The following EVI5 variants were observed in gnomAD, a reference collection of about 807,000 sequenced individuals.
The protein encoded by EVI5 is ecotropic viral integration site 5.
In EVI5, 73 loss-of-function variants were observed where a neutral mutation model predicts 112.0. The observed-to-expected ratio is 0.65, with a 90% CI of 0.54 to 0.79. The LOEUF (loss-of-function observed/expected upper bound fraction) is 0.79, where lower values mean the gene tolerates loss of function less well. EVI5 is among the 30% of genes least tolerant of loss of function. EVI5 has a pLI of 0.00. For missense variants in EVI5, 900 were observed against 968.8 expected, an observed-to-expected ratio of 0.93 and a Z score of 0.94; for synonymous variants, 305 against 319.9, an observed-to-expected ratio of 0.95 and a Z score of 0.50.
At chr1:92,721,297 A>C (rs1674713984) in intron 2 of EVI5, among the ~76,000 whole-genome samples, 1 of 152,210 alleles carries the variant, frequency 6.6e-6, no homozygotes, top group East Asian at 1.9e-4. Context: ...TCAATGATAG[A>C]CTGGATTAAG....
intron 19 of EVI5, among the ~76,000 whole-genome samples, chr1:92,527,972 A>G (rs1662208511): frequency 6.6e-6 from 1 of 152,166 alleles, no homozygotes; most frequent in Non-Finnish European, 1.5e-5. Context: ...TCATTTCTCT[A>G]GAGTGTAACT....
At chr1:92,780,086 G>C (rs1452982272) in intron 1 of EVI5, among the ~76,000 whole-genome samples, 3 of 152,114 alleles carry the variant, frequency 2.0e-5, no homozygotes, top group Admixed American at 2.0e-4. Context: ...GAATCAAAGG[G>C]GCAATTTCCC....
At chr1:92,707,768 G>T (rs544862617) in intron 2 of EVI5, among the ~76,000 whole-genome samples, 1 of 152,246 alleles carries the variant, frequency 6.6e-6, no homozygotes, top group East Asian at 1.9e-4. Flanking sequence ...TGGTCCAGCA[G>T]TAAAATGAAA....
intron 2 of EVI5, among the ~76,000 whole-genome samples, chr1:92,712,538 T>C (rs578210175): frequency 1.8e-3 from 277 of 152,244 alleles, no homozygotes; most frequent in African/African-American, 6.4e-3. Context: ...ACAGAAAAGG[T>C]AATATAATAA....
rs1311854813 is a variant in EVI5, at chr1:92,607,607, G to A, written c.1948C>T (p.Arg650Cys). The A allele has an allele frequency of 2.5e-6, 4 of 1,591,906 alleles. No individual in the cohort carries two copies. The highest frequency in any genetic ancestry group is 2.3e-5 in the South Asian group (2 of 85,714). ...GLLTQLSEAK[R>C]KQAEIECKNK... is the part of the protein sequence containing the mutation. The stretch of plus-strand genomic sequence containing the variant: ...TTGCATTCAATCTCTGCTTGTTTAC[G>A]CTTTGCTTCACTTAATTGAGTAAGG... The change falls in exon 17 of 20, where the codon CGT becomes TGT. Residue 650 changes from arginine to cysteine, a missense_variant. Arg to Cys is a radical substitution (Grantham distance 180, BLOSUM62 -3). Transcript: ENST00000684568.
At chr1:92,637,930 A>C (rs1659213880) in intron 13 of EVI5, among the ~76,000 whole-genome samples, 1 of 152,240 alleles carries the variant, frequency 6.6e-6, no homozygotes, top group Non-Finnish European at 1.5e-5. Flanking sequence ...CAATACGAGA[A>C]GTGCATCTGC....
At chr1:92,617,859 GACC>G (rs1653580696) in intron 16 of EVI5, among the ~76,000 whole-genome samples, 1 of 152,190 alleles carries the variant, frequency 6.6e-6, no homozygotes, top group South Asian at 2.1e-4. Context: ...CTTCTGCCAA[GACC>G]ACCATCTGTG....
intron 2 of EVI5, among the ~76,000 whole-genome samples, chr1:92,708,077 C>T (rs1404185389): frequency 6.6e-6 from 1 of 152,096 alleles, no homozygotes; most frequent in African/African-American, 2.4e-5. Flanking sequence ...AATAAATCTT[C>T]ATGACTTTGA....
intron 17 of EVI5, among the ~76,000 whole-genome samples, chr1:92,606,503 A>G (rs905456334): frequency 3.9e-5 from 6 of 152,254 alleles, no homozygotes; most frequent in African/African-American, 1.2e-4. Flanking sequence ...TTTTATTTAT[A>G]GTTTAGTCAT....
At chr1:92,784,437 G>A in intron 1 of EVI5, 10 of 985,348 alleles carry the variant, frequency 1.0e-5, no homozygotes, top group Non-Finnish European at 1.2e-5. Flanking sequence ...CAAGTCAGGG[G>A]GGCGAGTGCT....
intron 2 of EVI5, among the ~76,000 whole-genome samples, chr1:92,735,269 T>G (rs1324633296): frequency 6.6e-6 from 1 of 152,194 alleles, no homozygotes; most frequent in African/African-American, 2.4e-5. Context: ...CTTTCAAAAT[T>G]ATGCTGAGTG....
chr1:92,621,364 A>G (rs1353349130), intron 16 of EVI5, among the ~76,000 whole-genome samples: 1 of 152,202 alleles, frequency 6.6e-6, no homozygotes, highest in African/African-American at 2.4e-5. Flanking sequence ...GCTGGAGTGC[A>G]GTGGCGTGAT....
At chr1:92,672,587 C>T (rs1421585769) in intron 10 of EVI5, among the ~76,000 whole-genome samples, 3 of 152,128 alleles carry the variant, frequency 2.0e-5, no homozygotes, top group African/African-American at 7.2e-5. Context: ...TCCAAAATAC[C>T]GTACATTTGA....
At chr1:92,532,064 T>C (rs1283717241) in intron 19 of EVI5, among the ~76,000 whole-genome samples, 3 of 151,750 alleles carry the variant, frequency 2.0e-5, no homozygotes, top group South Asian at 2.1e-4. Context: ...AAGACACACA[T>C]AGGCTCAAAA....
Position 92,565,948 on chromosome 1 carries a change from C to CAAAAAACAAA in EVI5, c.2071-2212_2071-2211insTTTGTTTTTT, listed in dbSNP as rs1669384221. 1.9e-4 allele frequency among the ~76,000 whole-genome samples: 10 copies of CAAAAAACAAA among 51,858 alleles called. 2 individuals carry two copies. Among genetic ancestry groups the CAAAAAACAAA allele is most frequent in the Non-Finnish European group, 6.1e-5 (2 of 33,056 alleles). 34.0% of individuals were successfully genotyped at this position (51,858 alleles called of 152,430 possible). ...TTGCGCCACTGCATTCCAGCCCGAG[C>CAAAAAACAAA]AAAAAAAAAAAAAAAAAAAAGAAAT... is the stretch of plus-strand genomic sequence containing the variant. On this transcript the variant is annotated intron_variant, in intron 18 of 19. Coordinates refer to ENST00000684568, the MANE Select transcript of EVI5 (RefSeq NM_001350197.2).
At chr1:92,743,222 G>A (rs770735211) in intron 1 of EVI5, among the ~76,000 whole-genome samples, 8 of 152,008 alleles carry the variant, frequency 5.3e-5, no homozygotes, top group Non-Finnish European at 1.2e-4. Context: ...GCACGGTGGC[G>A]AGCGCCTGTA....
chr1:92,629,200 T>C (rs867236394), intron 14 of EVI5, among the ~76,000 whole-genome samples: 1 of 152,224 alleles, frequency 6.6e-6, no homozygotes, highest in Non-Finnish European at 1.5e-5. Flanking sequence ...CAAATCGAGA[T>C]AATACATTAT....
chr1:92,581,267 T>C (rs1671892291), intron 18 of EVI5, among the ~76,000 whole-genome samples: 1 of 152,220 alleles, frequency 6.6e-6, no homozygotes. Context: ...TTCTTACTCT[T>C]CTGAGATTTT....
chr1:92,608,019 C>T (rs978426379), intron 16 of EVI5, among the ~76,000 whole-genome samples: 8 of 151,530 alleles, frequency 5.3e-5, no homozygotes, highest in Non-Finnish European at 8.8e-5. Context: ...GGCATGGTGG[C>T]GGGCACCTGT....
Sources: allele counts gnomAD v4.1 joint callset (sites outside exome capture counted in the v4.1 genomes callset), GRCh38; gene constraint gnomAD v4.1.1; transcripts MANE v1.5; gene names NCBI Gene and HGNC (gene_info 2026-07-23, HGNC 2026-07-21).